Variants in IL33 observed in about 807,000 individuals in gnomAD.
IL33 encodes the protein interleukin 33.
A neutral mutation model predicts 27.3 loss-of-function variants in IL33; 37 were observed. The observed-to-expected ratio is 1.36, with a 90% confidence interval of 1.04 to 1.78. IL33 has a LOEUF of 1.78. Among genes scored for constraint, IL33 ranks in the 40% most tolerant of loss-of-function variants. The probability of loss-of-function intolerance (pLI) is 0.00; values close to 1 mark genes in which losing one functional copy is unlikely to be tolerated. For synonymous variants in IL33, 132 were observed against 102.9 expected (o/e 1.28, Z -1.71); for missense variants, 406 against 311.4 (o/e 1.30, Z -2.29).
chr9:6,242,687 C>T (rs1326184889), intron 2 of IL33: 3 of 152,104 alleles, frequency 2.0e-5, no homozygotes, highest in African/African-American at 4.8e-5. Context: ...AGTTGATATA[C>T]TAGAGAGATG....
chr9:6,254,386 C>T (rs1816599172), intron 6 of IL33, 76 bp from the exon 7 acceptor site: 1 of 873,576 alleles, frequency 1.1e-6, no homozygotes, highest in Non-Finnish European at 1.7e-6. Context: ...AGACTTTTTT[C>T]CTGGGTGTTG....
At chr9:6,228,424 T>C (rs986183915) in intron 1 of IL33, among the ~76,000 whole-genome samples, 1 of 152,256 alleles carries the variant, frequency 6.6e-6, no homozygotes, top group Non-Finnish European at 1.5e-5. Context: ...TGTCCAATTT[T>C]ATGTAAAATG....
In IL33 at chr9:6,253,591, C is replaced by G; in HGVS notation, c.509C>G (p.Ser170Ter). The G allele has an allele frequency of 6.2e-7, 1 of 1,607,752 alleles. No individual in the cohort carries two copies. The highest frequency in any genetic ancestry group is 8.5e-7 in the Non-Finnish European group (1 of 1,175,530). Residue 170 changes from serine (S) to a stop codon, truncating the protein, a stop_gained, in exon 6 of 8, where the codon TCA becomes TGA. Transcript: ENST00000682010. LOFTEE classifies it high-confidence loss of function. The part of the protein sequence containing the change: ...LLSYYESQHP[S>*]NESGDGVDGK... ...AGTTACTATGAGTCTCAACACCCCT[C>G]AAATGAATCAGGTAATTTGGAGGGC...
chr9:6,226,021 T>C (rs1328432730), intron 1 of IL33, among the ~76,000 whole-genome samples: 1 of 152,148 alleles, frequency 6.6e-6, no homozygotes, highest in Non-Finnish European at 1.5e-5. Context: ...CTCTCTCTCT[T>C]TTTAGAGACA....
chr9:6,218,730 C>CAT (rs1351054924), intron 1 of IL33, among the ~76,000 whole-genome samples: 17 of 107,698 alleles, frequency 1.6e-4, no homozygotes, highest in South Asian at 3.2e-4. Context: ...ATATGTTCTC[C>CAT]ATATATATAT....
At chr9:6,245,653 C>G (rs187286029) in intron 2 of IL33, among the ~76,000 whole-genome samples, 1 of 151,940 alleles carries the variant, frequency 6.6e-6, no homozygotes, top group African/African-American at 2.4e-5. Flanking sequence ...ATAGAGAGGA[C>G]GGACTAGATT....
intron 2 of IL33, among the ~76,000 whole-genome samples, chr9:6,243,381 G>A (rs1422094010): frequency 6.6e-6 from 1 of 152,168 alleles, no homozygotes; most frequent in African/African-American, 2.4e-5. Flanking sequence ...TGTTGAGACA[G>A]TCTCACTTTG....
At chr9:6,253,025 A>T in intron 5 of IL33, 34 bp downstream of exon 5, 7 of 1,299,778 alleles carry the variant, frequency 5.4e-6, no homozygotes, top group Non-Finnish European at 7.5e-6. Flanking sequence ...ATAATGTAAT[A>T]ATGACTAATA....
At chr9:6,237,806 G>T (rs981763570) in intron 1 of IL33, among the ~76,000 whole-genome samples, 8 of 152,042 alleles carry the variant, frequency 5.3e-5, no homozygotes, top group African/African-American at 1.9e-4. Flanking sequence ...TTTTTTCTAG[G>T]ATATAAGTAT....
intron 1 of IL33, among the ~76,000 whole-genome samples, chr9:6,237,307 T>G (rs140959708): frequency 6.6e-6 from 1 of 152,092 alleles, no homozygotes; most frequent in Non-Finnish European, 1.5e-5. Context: ...GTGAAAAGAG[T>G]GATCAAGGCA....
chr9:6,218,488 G>T (rs918991562), intron 1 of IL33, among the ~76,000 whole-genome samples: 1 of 151,604 alleles, frequency 6.6e-6, no homozygotes, highest in Non-Finnish European at 1.5e-5. Flanking sequence ...ACTAACTTCG[G>T]GGAAATAGGC....
At chr9:6,217,862 A>G (rs1300761797) in intron 1 of IL33, among the ~76,000 whole-genome samples, 2 of 151,968 alleles carry the variant, frequency 1.3e-5, no homozygotes, top group East Asian at 3.9e-4. Context: ...TTGAGAGTGA[A>G]GTGTCTAGGG....
intron 1 of IL33, among the ~76,000 whole-genome samples, chr9:6,225,291 G>C (rs1336882103): frequency 6.6e-6 from 1 of 152,168 alleles, no homozygotes; most frequent in Non-Finnish European, 1.5e-5. Context: ...TCACCAAAAA[G>C]TTCCATGATA....
intron 2 of IL33, among the ~76,000 whole-genome samples, chr9:6,248,732 GC>G (rs1816155529): frequency 6.6e-6 from 1 of 151,662 alleles, no homozygotes; most frequent in African/African-American, 2.4e-5. Flanking sequence ...AGGCCACCAT[GC>G]CCAGCTACTT....
chr9:6,257,072 T>C lies in IL33; in HGVS notation c.*904T>C, dbSNP rs1816779102. On this transcript the variant is annotated 3_prime_UTR_variant, in exon 8 of 8. Transcript: ENST00000682010. ...CCAACTATCATGGTAAGGCCAGAAA[T>C]CTTCTAACCTACCAGAGCCTAGATG... 1 of 151,890 alleles carries C rather than the reference T, an allele frequency of 6.6e-6. No homozygotes were observed. 9.4% of individuals were successfully genotyped at this position (151,890 alleles called of 1,614,324 possible). A position where few individuals can be genotyped will look rare whatever the true frequency, so the allele number is the denominator to read the frequency against.
Position 6,256,216 on chromosome 9 carries a change from T to A in IL33, c.*48T>A, listed in dbSNP as rs1171028503. 1 of 1,342,820 alleles carries A rather than the reference T, an allele frequency of 7.4e-7. No individual in the cohort carries two copies. Among genetic ancestry groups the A allele is most frequent in the Non-Finnish European group, 1.1e-6 (1 of 938,216 alleles). 83.2% of individuals were successfully genotyped at this position (1,342,820 alleles called of 1,614,324 possible). ...GGGTTGAGTACCCAAATGCTACCACTGGAGAAGGAATGAGAGATAAAGAAA... is the reference window on the plus strand; with the variant it reads ...GGGTTGAGTACCCAAATGCTACCACAGGAGAAGGAATGAGAGATAAAGAAA... On this transcript the variant is annotated 3_prime_UTR_variant, in exon 8 of 8. Transcript: ENST00000682010.
chr9:6,247,311 G>A (rs767391871), intron 2 of IL33, among the ~76,000 whole-genome samples: 2 of 152,152 alleles, frequency 1.3e-5, no homozygotes, highest in Admixed American at 1.3e-4. Context: ...ATGGCATAAG[G>A]AAAGAGGGGT....
chr9:6,253,570 A>T lies in IL33; in HGVS notation c.488A>T (p.Tyr163Phe). The change falls in exon 6 of 8, where the codon TAC becomes TTC. Residue 163 changes from tyrosine (Y) to phenylalanine (F), a missense_variant. Physicochemically the swap from Tyr to Phe is conservative, Grantham distance 22. Transcript: ENST00000682010. ...CTTTCAGATAAGGTGTTACTGAGTT[A>T]CTATGAGTCTCAACACCCCTCAAAT... ...DEKKDKVLLS[Y>F]YESQHPSNES... 6.2e-7 allele frequency: 1 copy of T among 1,609,466 alleles called. No individual in the cohort carries two copies. Among genetic ancestry groups the T allele is most frequent in the Non-Finnish European group, 8.5e-7 (1 of 1,176,996 alleles).
chr9:6,234,968 C>A (rs546509139), intron 1 of IL33, among the ~76,000 whole-genome samples: 1 of 152,114 alleles, frequency 6.6e-6, no homozygotes, highest in African/African-American at 2.4e-5. Flanking sequence ...TTTGTCTGAA[C>A]TGAATTTCAA....
Sources: gnomAD v4.1 joint callset for allele counts (sites outside exome capture counted in the v4.1 genomes callset) on GRCh38, gnomAD v4.1.1 for gene constraint, MANE v1.5 for transcripts, NCBI Gene and HGNC (gene_info 2026-07-23, HGNC 2026-07-21) for gene names.